The following MARCHF4 variants were observed in gnomAD, a reference collection of about 807,000 sequenced individuals.
MARCHF4 encodes the protein E3 ubiquitin-protein ligase MARCHF4.
Under a neutral mutation model 43.9 loss-of-function variants are expected in MARCHF4, and 14 were observed. The ratio of observed to expected loss-of-function variants is 0.32; its 90% CI spans 0.21 to 0.50. The LOEUF (loss-of-function observed/expected upper bound fraction) is 0.50, where lower values mean the gene tolerates loss of function less well. Among genes scored for constraint, MARCHF4 ranks in the 20% least tolerant of loss-of-function variants. MARCHF4 has a pLI of 0.98. For synonymous variants in MARCHF4, 226 were observed against 213.3 expected (o/e 1.06, Z -0.52); for missense variants, 468 against 536.7 (o/e 0.87, Z 1.27).
In MARCHF4 at chr2:216,261,891, C is replaced by G. The variant is rs1328484443; in HGVS notation, c.866-2212G>C. Among the ~76,000 whole-genome samples, 3 of 152,128 alleles carry G rather than the reference C, an allele frequency of 2.0e-5. No individual in the cohort carries two copies. In the East Asian group the frequency reaches 5.8e-4, roughly 29 times the overall value. On this transcript the variant is annotated intron_variant, in intron 3 of 3. Coordinates refer to ENST00000273067, the MANE Select transcript of MARCHF4 (RefSeq NM_020814.3). ...AAAGAAGCAACCAATGGGGTAGAAG[C>G]AAGACCAGCAAGTGTGGAGACCCAA...
At chr2:216,328,175 T>G (rs1559100732) in intron 1 of MARCHF4, among the ~76,000 whole-genome samples, 3 of 152,058 alleles carry the variant, frequency 2.0e-5, no homozygotes, top group South Asian at 2.1e-4. Context: ...TTTTGTTTTG[T>G]TTTGGTTTTT....
chr2:216,322,549 CG>C (rs1485472411), intron 1 of MARCHF4, among the ~76,000 whole-genome samples: 1 of 152,350 alleles, frequency 6.6e-6, no homozygotes, highest in Admixed American at 6.5e-5. Flanking sequence ...CGGCCAGGCA[CG>C]GTGGCTCACG....
At chr2:216,321,527 C>T (rs1691895312) in intron 1 of MARCHF4, 1 of 152,132 alleles carries the variant, frequency 6.6e-6, no homozygotes, top group East Asian at 1.9e-4. Context: ...AGGGAAAATG[C>T]TAATGGAATA....
At chr2:216,259,867 C>A in intron 3 of MARCHF4, 188 bp from the exon 4 acceptor site, 1 of 606,896 alleles carries the variant, frequency 1.6e-6, no homozygotes. Flanking sequence ...GGCCACCAGA[C>A]CGAGTCCATG....
At chr2:216,298,939 C>G (rs1002740834) in intron 1 of MARCHF4, among the ~76,000 whole-genome samples, 1 of 152,138 alleles carries the variant, frequency 6.6e-6, no homozygotes, top group Admixed American at 6.5e-5. Context: ...CCAAATCGGC[C>G]TTCAGGAGGA....
At chr2:216,348,387 T>C (rs1330842178) in intron 1 of MARCHF4, among the ~76,000 whole-genome samples, 4 of 152,042 alleles carry the variant, frequency 2.6e-5, no homozygotes, top group African/African-American at 4.8e-5. Flanking sequence ...CAGCACAAGA[T>C]ACAGGTCATA....
chr2:216,365,931 G>C (rs559964098), intron 1 of MARCHF4, among the ~76,000 whole-genome samples: 1 of 152,174 alleles, frequency 6.6e-6, no homozygotes, highest in Non-Finnish European at 1.5e-5. Context: ...TAAAGACTTT[G>C]ATGATGGAAA....
rs1162817145 is a variant in MARCHF4 at position 216,335,207 on chromosome 2, T to C, written c.516+34538A>G. ...ATTAACTAAGAGAGTCAAACACTAA[T>C]TGGCTCCAAATAGTAGCCCAGAAGA... On this transcript the variant is annotated intron_variant, in intron 1 of 3. Coordinates refer to ENST00000273067, the MANE Select transcript of MARCHF4 (RefSeq NM_020814.3). Among the ~76,000 whole-genome samples the C allele has an allele frequency of 3.3e-5, 5 of 152,320 alleles. 1 individual carries two copies. Among genetic ancestry groups the C allele is most frequent in the South Asian group, 4.1e-4 (2 of 4,826 alleles).
At position 216,259,223 on chromosome 2, in the gene MARCHF4, C is replaced by T; in HGVS notation, c.*89G>A. On this transcript the variant is annotated 3_prime_UTR_variant, in exon 4 of 4. Transcript: ENST00000273067. ...AGGTCCCCCACCCTCTGCCTGCTCC[C>T]TCTGTTGGCTCTGGGGGTGCCACTG... The T allele has an allele frequency of 3.4e-6, 5 of 1,487,792 alleles. No homozygotes were observed. Among genetic ancestry groups the T allele is most frequent in the Non-Finnish European group, 4.5e-6 (5 of 1,123,286 alleles). The allele number at this position is 1,487,792 out of a possible 1,614,324, so 92.2% of individuals were successfully genotyped here. A position where few individuals can be genotyped will look rare whatever the true frequency, so the allele number is the denominator to read the frequency against.
chr2:216,291,223 G>C (rs1485093537), intron 1 of MARCHF4, among the ~76,000 whole-genome samples: 1 of 152,174 alleles, frequency 6.6e-6, no homozygotes, highest in African/African-American at 2.4e-5. Context: ...TTTTCCAAAA[G>C]CCAAGAAGAC....
At chr2:216,300,312 A>G (rs1296061515) in intron 1 of MARCHF4, among the ~76,000 whole-genome samples, 4 of 147,778 alleles carry the variant, frequency 2.7e-5, no homozygotes, top group Non-Finnish European at 5.9e-5. Context: ...GCATATATAT[A>G]TGTGCATATA....
At chr2:216,275,899 T>C (rs921157064) in intron 3 of MARCHF4, among the ~76,000 whole-genome samples, 1 of 152,108 alleles carries the variant, frequency 6.6e-6, no homozygotes, top group African/African-American at 2.4e-5. Flanking sequence ...TCTAGGAAAA[T>C]AGCACACCCA....
chr2:216,354,987 T>TTTCTTTCTTTC, intron 1 of MARCHF4, among the ~76,000 whole-genome samples: 1 of 94,514 alleles, frequency 1.1e-5, no homozygotes, highest in African/African-American at 3.7e-5. Context: ...TTCTTTCTTT[T>TTTCTTTCTTTC]TTGAGACAGA....
At position 216,293,137 on chromosome 2, in the gene MARCHF4, T is replaced by A. The variant is rs115737518; in HGVS notation, c.517-9408A>T. Among the ~76,000 whole-genome samples, 825 of 152,302 alleles carry A rather than the reference T, an allele frequency of 5.4e-3. 8 individuals carry two copies. The highest frequency in any genetic ancestry group is 0.019 in the African/African-American group (789 of 41,552). ...TGAATTCTCCTCATGTGGTGTCTGA[T>A]AGCGTGTGAGCAGCTCTTTGTTTTC... On this transcript the variant is annotated intron_variant, in intron 1 of 3. Coordinates refer to ENST00000273067, the MANE Select transcript of MARCHF4 (RefSeq NM_020814.3).
intron 3 of MARCHF4, among the ~76,000 whole-genome samples, chr2:216,262,675 G>A (rs1355842321): frequency 2.6e-5 from 4 of 152,098 alleles, no homozygotes; most frequent in Non-Finnish European, 5.9e-5. Context: ...TGTGCTGGAG[G>A]AAAAGATCTT....
rs1691169997 is a variant in MARCHF4, at chr2:216,283,677, T to C, written c.569A>G (p.Gln190Arg). ...RCDGSVKCTHQPCLIKWISER... is the reference protein window; with the variant it reads ...RCDGSVKCTHRPCLIKWISER... ...GCTGATCCACTTGATGAGGCAAGGCTGGTGTGTGCACTTGACCGAGCCATC... is the reference window on the plus strand; with the variant it reads ...GCTGATCCACTTGATGAGGCAAGGCCGGTGTGTGCACTTGACCGAGCCATC... The change falls in exon 2 of 4, where the codon CAG becomes CGG. Residue 190 changes from glutamine to arginine, a missense_variant. Physicochemically the swap from Gln to Arg is conservative, Grantham distance 43. Coordinates refer to ENST00000273067, the MANE Select transcript of MARCHF4 (RefSeq NM_020814.3). The C allele has an allele frequency of 6.2e-7, 1 of 1,613,446 alleles. No homozygotes were observed. Among genetic ancestry groups the C allele is most frequent in the Non-Finnish European group, 8.5e-7 (1 of 1,179,484 alleles).
chr2:216,314,637 T>C (rs1691743279), intron 1 of MARCHF4, among the ~76,000 whole-genome samples: 3 of 152,260 alleles, frequency 2.0e-5, no homozygotes, highest in South Asian at 4.1e-4. Context: ...ACTACAATTA[T>C]TGATAAAAGT....
intron 1 of MARCHF4, among the ~76,000 whole-genome samples, chr2:216,331,130 C>T (rs1043230290): frequency 1.3e-5 from 2 of 151,904 alleles, no homozygotes; most frequent in Admixed American, 6.6e-5. Flanking sequence ...TAACAAGACT[C>T]GTCAAGACAA....
chr2:216,308,273 G>A (rs1408551357), intron 1 of MARCHF4, among the ~76,000 whole-genome samples: 6 of 152,078 alleles, frequency 3.9e-5, no homozygotes, highest in African/African-American at 1.4e-4. Flanking sequence ...GGGGTTGGTG[G>A]TATGTGACTG....
Sources: gnomAD v4.1 joint callset for allele counts (sites outside exome capture counted in the v4.1 genomes callset) on GRCh38, gnomAD v4.1.1 for gene constraint, MANE v1.5 for transcripts, NCBI Gene and HGNC (gene_info 2026-07-23, HGNC 2026-07-21) for gene names.